CORO2B: variants seen among roughly 807,000 people sequenced by gnomAD.
The protein encoded by CORO2B is coronin-2B.
Under a neutral mutation model 58.8 loss-of-function variants are expected in CORO2B, and 26 were observed. That is an observed-to-expected ratio of 0.44 (90% confidence interval 0.32 to 0.61). CORO2B has a LOEUF of 0.61. Among genes scored for constraint, CORO2B ranks in the 20% least tolerant of loss-of-function variants. The pLI, the probability that CORO2B is intolerant of heterozygous loss-of-function variation, is 0.04. For synonymous variants in CORO2B, 242 were observed against 253.8 expected, an observed-to-expected ratio of 0.95 and a Z score of 0.44; for missense variants, 460 against 645.1, an observed-to-expected ratio of 0.71 and a Z score of 3.11.
At chr15:68,546,455 A>G in the CORO2B span, among the ~76,000 whole-genome samples, 2,096 of 152,260 alleles carry the variant, frequency 0.014, 57 homozygotes, top group African/African-American at 0.048. Context: ...TCAGAGTGAG[A>G]ACAACCAGCC....
intron 2 of CORO2B, among the ~76,000 whole-genome samples, chr15:68,694,250 C>T (rs949201256): frequency 1.3e-5 from 2 of 152,158 alleles, no homozygotes; most frequent in African/African-American, 2.4e-5. Flanking sequence ...CTAAGCTGTA[C>T]AATAATAAGT....
At chr15:68,686,637 G>A (rs988044153) in intron 2 of CORO2B, among the ~76,000 whole-genome samples, 10 of 152,024 alleles carry the variant, frequency 6.6e-5, no homozygotes, top group Non-Finnish European at 1.3e-4. Flanking sequence ...AGTGGCTCAC[G>A]CCTGTAATCC....
chr15:68,702,821 CTTTTT>C (rs113249272), intron 3 of CORO2B, among the ~76,000 whole-genome samples: 28 of 96,246 alleles, frequency 2.9e-4, no homozygotes, highest in African/African-American at 6.3e-4. Context: ...TTTTCTTTTT[CTTTTT>C]TTTTTTTTTT....
chr15:68,640,676 A>G (rs1041524583), intron 1 of CORO2B, among the ~76,000 whole-genome samples: 14 of 152,192 alleles, frequency 9.2e-5, no homozygotes, highest in Non-Finnish European at 1.8e-4. Context: ...TGGGCATTAC[A>G]TGGTACTGAG....
At chr15:68,655,852 A>C (rs1205125805) in intron 2 of CORO2B, among the ~76,000 whole-genome samples, 1 of 152,176 alleles carries the variant, frequency 6.6e-6, no homozygotes, top group African/African-American at 2.4e-5. Flanking sequence ...GTAGCTTTGG[A>C]AGCACCCTCA....
At chr15:68,682,647 G>A (rs1902829002) in intron 2 of CORO2B, among the ~76,000 whole-genome samples, 2 of 152,124 alleles carry the variant, frequency 1.3e-5, no homozygotes, top group Non-Finnish European at 2.9e-5. Context: ...CCCAGGAGGG[G>A]CAAGGATACC....
chr15:68,663,726 G>GA lies in CORO2B; in HGVS notation c.216+18374dup, dbSNP rs919338250. Among the ~76,000 whole-genome samples the GA allele has an allele frequency of 4.3e-4, 65 of 151,748 alleles. 1 individual carries two copies. The South Asian group carries it at 4.6e-3, about 11-fold the overall frequency. The stretch of plus-strand genomic sequence containing the variant: ...AATATGTGACTGGATTTAAAAATGA[G>GA]AAAAAAAAGTGGACAAGACTTGAAT... On this transcript the variant is annotated intron_variant, in intron 2 of 11. Coordinates refer to ENST00000261861, the MANE Select transcript of CORO2B (RefSeq NM_006091.5).
At chr15:68,721,460 C>T (rs1006386665) in intron 11 of CORO2B, among the ~76,000 whole-genome samples, 2 of 152,102 alleles carry the variant, frequency 1.3e-5, no homozygotes, top group African/African-American at 2.4e-5. Flanking sequence ...AATCCCAGCA[C>T]GTTGAGAGGC....
intron 10 of CORO2B, 22 bp downstream of exon 10, chr15:68,719,256 C>A (rs1461643808): frequency 6.2e-7 from 1 of 1,610,972 alleles, no homozygotes; most frequent in Non-Finnish European, 8.5e-7. Flanking sequence ...GGGGGCTCCA[C>A]AGAGCACAGG....
chr15:68,653,055 A>G (rs1035071648), intron 2 of CORO2B, among the ~76,000 whole-genome samples: 2 of 152,192 alleles, frequency 1.3e-5, no homozygotes, highest in Admixed American at 6.5e-5. Context: ...TCCAAACTCC[A>G]TACAAGTGCA....
intron 1 of CORO2B, among the ~76,000 whole-genome samples, chr15:68,601,096 G>T (rs1430038424): frequency 6.6e-6 from 1 of 152,192 alleles, no homozygotes; most frequent in African/African-American, 2.4e-5. Context: ...TGCAGGTTTT[G>T]TGGGTGTGTG....
the CORO2B span, among the ~76,000 whole-genome samples, chr15:68,561,252 A>G: frequency 3.9e-5 from 6 of 152,136 alleles, no homozygotes; most frequent in Non-Finnish European, 8.8e-5. Context: ...GAGCTCCTGC[A>G]TATGCCACGC....
At chr15:68,661,770 G>C (rs1339480436) in intron 2 of CORO2B, among the ~76,000 whole-genome samples, 1 of 152,182 alleles carries the variant, frequency 6.6e-6, no homozygotes, top group Non-Finnish European at 1.5e-5. Flanking sequence ...ACTTTGGGAG[G>C]CCGAGGCAAG....
At chr15:68,532,496 A>G in the CORO2B span, among the ~76,000 whole-genome samples, 1 of 151,722 alleles carries the variant, frequency 6.6e-6, no homozygotes, top group South Asian at 2.1e-4. Context: ...TCTTTTTTAT[A>G]TCTTCTATTT....
chr15:68,697,803 A>T (rs1342819128), intron 3 of CORO2B, among the ~76,000 whole-genome samples: 1 of 152,168 alleles, frequency 6.6e-6, no homozygotes. Context: ...GAGGCACAGG[A>T]GCTGGTGGAG....
the CORO2B span, among the ~76,000 whole-genome samples, chr15:68,540,385 T>G: frequency 6.6e-6 from 1 of 152,266 alleles, no homozygotes; most frequent in South Asian, 2.1e-4. Flanking sequence ...ATTTTGAATT[T>G]TATAATTGGC....
chr15:68,590,786 G>A (rs1251382958), intron 1 of CORO2B, among the ~76,000 whole-genome samples: 1 of 152,170 alleles, frequency 6.6e-6, no homozygotes, highest in African/African-American at 2.4e-5. Flanking sequence ...AGAGGCAAAT[G>A]AGGCAGGAGG....
chr15:68,696,441 C>T (rs879419375), intron 3 of CORO2B, among the ~76,000 whole-genome samples: 4 of 150,322 alleles, frequency 2.7e-5, no homozygotes, highest in Non-Finnish European at 5.9e-5. Flanking sequence ...CCCAGCTATT[C>T]GGAAGGCTGA....
At chr15:68,665,610 TTGTAGTCC>T (rs1241769654) in intron 2 of CORO2B, among the ~76,000 whole-genome samples, 2 of 151,894 alleles carry the variant, frequency 1.3e-5, no homozygotes, top group African/African-American at 4.8e-5. Context: ...AGTTTACTTT[TTGTAGTCC>T]TTTGTGTCCT....
Sources: allele counts gnomAD v4.1 joint callset (sites outside exome capture counted in the v4.1 genomes callset), GRCh38; gene constraint gnomAD v4.1.1; transcripts MANE v1.5; gene names NCBI Gene and HGNC (gene_info 2026-07-23, HGNC 2026-07-21).